The following GAS2 variants were observed in gnomAD, a reference collection of about 807,000 sequenced individuals.
The protein encoded by GAS2 is growth arrest specific 2, also known as growth arrest-specific protein 2.
In GAS2, 20 loss-of-function variants were observed where a neutral mutation model predicts 37.5. The observed-to-expected ratio is 0.53, with a 90% CI of 0.37 to 0.77. The LOEUF (loss-of-function observed/expected upper bound fraction) is 0.77. Among genes scored for constraint, GAS2 ranks in the 30% least tolerant of loss-of-function variants. GAS2 has a pLI of 0.00. For synonymous variants in GAS2, 144 were observed against 132.2 expected (o/e 1.09, Z -0.61); for missense variants, 336 against 373.4 (o/e 0.90, Z 0.82).
chr11:22,793,176 A>T (rs1017978867), intron 7 of GAS2, among the ~76,000 whole-genome samples: 9 of 152,190 alleles, frequency 5.9e-5, no homozygotes, highest in African/African-American at 2.2e-4. Flanking sequence ...AGAGAGCCTG[A>T]GGCGGGAGAA....
chr11:22,695,077 C>T (rs607123), intron 3 of GAS2, among the ~76,000 whole-genome samples: 148,688 of 152,192 alleles, frequency 0.98, 72,744 homozygotes, highest in Middle Eastern at 1. Context: ...CCCAATACTT[C>T]GGGAGGCTGA....
intron 1 of GAS2, among the ~76,000 whole-genome samples, chr11:22,655,437 A>G (rs1848843594): frequency 6.6e-6 from 1 of 152,198 alleles, no homozygotes; most frequent in African/African-American, 2.4e-5. Flanking sequence ...ATAAATGTTT[A>G]AAAACAGTAT....
At chr11:22,801,056 G>A (rs780621366) in intron 7 of GAS2, among the ~76,000 whole-genome samples, 21 of 151,990 alleles carry the variant, frequency 1.4e-4, no homozygotes, top group Admixed American at 1.3e-3. Flanking sequence ...AATGAAAAGC[G>A]AGTTGATATA....
chr11:22,638,319 G>C (rs192058310), intron 1 of GAS2, among the ~76,000 whole-genome samples: 20 of 151,800 alleles, frequency 1.3e-4, no homozygotes, highest in Admixed American at 3.3e-4. Flanking sequence ...TCTCTACATT[G>C]GATCTAAGTT....
intron 1 of GAS2, among the ~76,000 whole-genome samples, chr11:22,652,807 C>T (rs546643670): frequency 1.3e-5 from 2 of 152,330 alleles, no homozygotes; most frequent in South Asian, 4.1e-4. Context: ...ACCCACTGAC[C>T]TGCACCCACT....
chr11:22,696,083 C>A, intron 3 of GAS2, among the ~76,000 whole-genome samples: 1 of 103,516 alleles, frequency 9.7e-6, no homozygotes, highest in East Asian at 3.5e-4. Context: ...CTAATGCTAT[C>A]CCTCCCCCCT....
At chr11:22,801,850 ACT>A (rs1346722106) in intron 7 of GAS2, among the ~76,000 whole-genome samples, 1 of 152,028 alleles carries the variant, frequency 6.6e-6, no homozygotes, top group Non-Finnish European at 1.5e-5. Context: ...CTATTGTATG[ACT>A]CTATGTCATT....
At chr11:22,631,546 A>G (rs1858745137) in intron 1 of GAS2, among the ~76,000 whole-genome samples, 1 of 152,052 alleles carries the variant, frequency 6.6e-6, no homozygotes, top group South Asian at 2.1e-4. Context: ...GCTGGATTTT[A>G]TTGATTGCTT....
chr11:22,673,226 C>T (rs1310640847), intron 1 of GAS2, among the ~76,000 whole-genome samples: 2 of 151,946 alleles, frequency 1.3e-5, no homozygotes, highest in South Asian at 2.1e-4. Context: ...TTTCTAAACA[C>T]CAGTGTCTTA....
intron 7 of GAS2, among the ~76,000 whole-genome samples, chr11:22,775,431 C>T (rs1014133390): frequency 2.6e-5 from 4 of 152,048 alleles, no homozygotes; most frequent in Admixed American, 2.6e-4. Flanking sequence ...TTATCTTTGT[C>T]CTGCAAACGA....
intron 3 of GAS2, chr11:22,702,192 C>G (rs1341781104): frequency 6.6e-6 from 1 of 152,108 alleles, no homozygotes; most frequent in Non-Finnish European, 1.5e-5. Flanking sequence ...TTTCTTTGCT[C>G]TTTTTATTAT....
chr11:22,779,319 T>C (rs763565261), intron 7 of GAS2, among the ~76,000 whole-genome samples: 3 of 152,320 alleles, frequency 2.0e-5, no homozygotes, highest in South Asian at 2.1e-4. Flanking sequence ...CACACCTATG[T>C]CTGAGTTCTT....
In GAS2 at chr11:22,766,759, T is replaced by C. The variant is rs1854718054; in HGVS notation, c.723+10806T>C. On this transcript the variant is annotated intron_variant, in intron 7 of 7. Coordinates refer to ENST00000454584, the MANE Select transcript of GAS2 (RefSeq NM_001143830.3). ...GTCTTCCAGAAACAAAAATTTATTC[T>C]AGGAATGAAGAAACTAAGGAACATT... is the stretch of plus-strand genomic sequence containing the variant. Among the ~76,000 whole-genome samples, 3 of 152,294 alleles carry C rather than the reference T, an allele frequency of 2.0e-5. No homozygotes were observed. The South Asian group carries it at 6.2e-4, about 32-fold the overall frequency.
At chr11:22,773,808 C>G (rs1855112391) in intron 7 of GAS2, among the ~76,000 whole-genome samples, 1 of 152,038 alleles carries the variant, frequency 6.6e-6, no homozygotes. Flanking sequence ...CCTTCCTGAC[C>G]TCGCTTCCAC....
intron 3 of GAS2, among the ~76,000 whole-genome samples, chr11:22,718,101 C>T (rs976014086): frequency 1.9e-4 from 29 of 152,142 alleles, no homozygotes; most frequent in South Asian, 6.2e-4. Flanking sequence ...ACTATTTGAT[C>T]CAGCAATCCC....
At chr11:22,807,125 A>C (rs905141086) in intron 7 of GAS2, among the ~76,000 whole-genome samples, 1 of 152,210 alleles carries the variant, frequency 6.6e-6, no homozygotes, top group Admixed American at 6.5e-5. Flanking sequence ...GAAAAAAGAA[A>C]AAACGACTCC....
intron 7 of GAS2, among the ~76,000 whole-genome samples, chr11:22,804,335 T>G (rs1856797350): frequency 6.6e-6 from 1 of 152,118 alleles, no homozygotes; most frequent in African/African-American, 2.4e-5. Flanking sequence ...GGAGACAGAC[T>G]TGTCACAGGT....
At position 22,683,032 on chromosome 11, in the gene GAS2, C is replaced by T. The variant is rs537102066; in HGVS notation, c.146-2636C>T. Among the ~76,000 whole-genome samples the T allele has an allele frequency of 6.6e-5, 10 of 152,160 alleles. No homozygotes were observed. The South Asian group carries it at 2.1e-3, about 32-fold the overall frequency. On this transcript the variant is annotated intron_variant, in intron 2 of 7. Transcript: ENST00000454584. ...ACAATTTTGAAATAAAAGTTCTGCA[C>T]AGGCTACCTGTGTGGTGAGTATTTA...
chr11:22,702,990 A>G (rs903296275), intron 3 of GAS2, among the ~76,000 whole-genome samples: 5 of 152,162 alleles, frequency 3.3e-5, no homozygotes, highest in African/African-American at 9.6e-5. Flanking sequence ...AGTGTAAATA[A>G]CAGTTGCATT....
Sources: gnomAD v4.1 joint callset for allele counts (sites outside exome capture counted in the v4.1 genomes callset) on GRCh38, gnomAD v4.1.1 for gene constraint, MANE v1.5 for transcripts, NCBI Gene and HGNC (gene_info 2026-07-23, HGNC 2026-07-21) for gene names.